AGPAT4: variants seen among roughly 807,000 people sequenced by gnomAD.
AGPAT4 encodes the protein 1-acyl-sn-glycerol-3-phosphate acyltransferase delta.
In AGPAT4, 15 loss-of-function variants were observed where a neutral mutation model predicts 48.0. The ratio of observed to expected loss-of-function variants is 0.31; its 90% CI spans 0.21 to 0.48. The LOEUF is 0.48. Ranked by LOEUF, AGPAT4 falls within the 20% of genes least tolerant of loss-of-function variation. The probability of loss-of-function intolerance (pLI) is 0.99; values close to 1 mark genes in which losing one functional copy is unlikely to be tolerated. For synonymous variants in AGPAT4, 178 were observed against 198.7 expected (o/e 0.90, Z 0.88); for missense variants, 314 against 482.5 (o/e 0.65, Z 3.27).
In AGPAT4 at chr6:161,232,832, G is replaced by C. The variant is rs907722344; in HGVS notation, c.-89-530C>G. On this transcript the variant is annotated intron_variant, in intron 1 of 8. Coordinates refer to ENST00000320285, the MANE Select transcript of AGPAT4 (RefSeq NM_020133.3). The surrounding 1 kb of genome is among the most constrained non-coding windows in gnomAD (Gnocchi z 6.8). ...TAAAGTCAAGCCTGCCCTGGACAAG[G>C]ACGAGGACATACCCAGAGTGGGTGC... 6.6e-6 allele frequency among the ~76,000 whole-genome samples: 1 copy of C among 152,170 alleles called. No individual in the cohort carries two copies. The highest frequency in any genetic ancestry group is 1.5e-5 in the Non-Finnish European group (1 of 68,040).
Position 161,139,366 on chromosome 6 carries a change from C to T in AGPAT4, c.1042+56G>A. On this transcript the variant is annotated intron_variant, in intron 8 of 8. Coordinates refer to ENST00000320285, the MANE Select transcript of AGPAT4 (RefSeq NM_020133.3). This position sits in a 1 kb window ranked among gnomAD's most constrained non-coding sequence, Gnocchi z 9.1. Reference sequence around the variant, plus strand: ...GATGGCCTTCGTCCCAGCCCTGATGCCACCTCTCCCAGGGTGGTGCTGTCA... The same window carrying T: ...GATGGCCTTCGTCCCAGCCCTGATGTCACCTCTCCCAGGGTGGTGCTGTCA... The T allele has an allele frequency of 6.3e-7, 1 of 1,586,864 alleles. No individual in the cohort carries two copies.
At chr6:161,269,820 G>A (rs1194491498) in intron 1 of AGPAT4, among the ~76,000 whole-genome samples, 2 of 152,212 alleles carry the variant, frequency 1.3e-5, no homozygotes, top group Admixed American at 1.3e-4. Context: ...AGGGATTGGG[G>A]GTGGATAGAG....
intron 1 of AGPAT4, among the ~76,000 whole-genome samples, chr6:161,248,888 G>C (rs1347096729): frequency 6.6e-6 from 1 of 152,116 alleles, no homozygotes; most frequent in Non-Finnish European, 1.5e-5. Context: ...AACAAAGCTG[G>C]AGGCATCACA....
rs929088105 is a variant in AGPAT4 at position 161,189,661 on chromosome 6, C to T, written c.179-23244G>A. 6.6e-6 allele frequency among the ~76,000 whole-genome samples: 1 copy of T among 152,100 alleles called. No individual in the cohort carries two copies. Among genetic ancestry groups the T allele is most frequent in the African/African-American group, 2.4e-5 (1 of 41,398 alleles). On this transcript the variant is annotated intron_variant, in intron 2 of 8. Transcript: ENST00000320285. This position sits in a 1 kb window ranked among gnomAD's most constrained non-coding sequence, Gnocchi z 5.3. ...GGCAGATCCAGGCCAGCTGCACATC[C>T]GTGGGCTCCTCCATCAGTCTCTGGC...
chr6:161,199,222 G>A (rs1009682608), intron 2 of AGPAT4, among the ~76,000 whole-genome samples: 4 of 152,134 alleles, frequency 2.6e-5, no homozygotes, highest in Non-Finnish European at 4.4e-5. Context: ...GACTGCGAAT[G>A]TCGTCAGCAG....
At position 161,219,916 on chromosome 6, in the gene AGPAT4, C is replaced by CAGGCAGGCGGCAGGCA. The variant is rs770490075; in HGVS notation, c.178+12119_178+12120insTGCCTGCCGCCTGCCT. Among the ~76,000 whole-genome samples, 836 of 105,872 alleles carry CAGGCAGGCGGCAGGCA rather than the reference C, an allele frequency of 7.9e-3. 10 individuals carry two copies. The highest frequency in any genetic ancestry group is 0.043 in the Middle Eastern group (9 of 210). The allele number at this position is 105,872 out of a possible 152,430, so 69.5% of individuals were successfully genotyped here. Reference sequence around the variant, plus strand: ...GCAGGCAGGCAGGCAGGCAGGCAGGCGGCAGGCAGGCAGGCAGGCAGGCAG... The same window carrying CAGGCAGGCGGCAGGCA: ...GCAGGCAGGCAGGCAGGCAGGCAGGCAGGCAGGCGGCAGGCAGGCAGGCAGGCAGGCAGGCAGGCAG... On this transcript the variant is annotated intron_variant, in intron 2 of 8. Coordinates refer to ENST00000320285, the MANE Select transcript of AGPAT4 (RefSeq NM_020133.3). This position sits in a 1 kb window ranked among gnomAD's most constrained non-coding sequence, Gnocchi z 4.9.
rs1359753661 is a variant in AGPAT4, at chr6:161,169,852, T to C, written c.179-3435A>G. 6.6e-6 allele frequency among the ~76,000 whole-genome samples: 1 copy of C among 152,182 alleles called. No homozygotes were observed. The highest frequency in any genetic ancestry group is 1.5e-5 in the Non-Finnish European group (1 of 68,034). ...TTAGAGGGCACCACAAGAGACACTC[T>C]TGGGAGGTTTGCAAGGTGGAAAGGA... On this transcript the variant is annotated intron_variant, in intron 2 of 8. Coordinates refer to ENST00000320285, the MANE Select transcript of AGPAT4 (RefSeq NM_020133.3). The surrounding 1 kb of genome is among the most constrained non-coding windows in gnomAD (Gnocchi z 5.0).
At position 161,197,257 on chromosome 6, in the gene AGPAT4, G is replaced by A. The variant is rs145574389; in HGVS notation, c.179-30840C>T. Among the ~76,000 whole-genome samples, 1,258 of 152,302 alleles carry A rather than the reference G, an allele frequency of 8.3e-3. 7 individuals are homozygous for A. The highest frequency in any genetic ancestry group is 0.014 in the Non-Finnish European group (966 of 68,028). The stretch of plus-strand genomic sequence containing the variant: ...AGTGAGCGCTTTCAGAGAGGGGCCA[G>A]GGCACGTAAGCCCTGACCTTGCACT... On this transcript the variant is annotated intron_variant, in intron 2 of 8. Transcript: ENST00000320285. This position sits in a 1 kb window ranked among gnomAD's most constrained non-coding sequence, Gnocchi z 5.7.
chr6:161,225,552 A>G lies in AGPAT4; in HGVS notation c.178+6484T>C, dbSNP rs1331181519. On this transcript the variant is annotated intron_variant, in intron 2 of 8. Transcript: ENST00000320285. This position sits in a 1 kb window ranked among gnomAD's most constrained non-coding sequence, Gnocchi z 5.0. The stretch of plus-strand genomic sequence containing the variant: ...CTTCCTGAGGTCTCCCAGGAGATAC[A>G]CCCCTTAGAACTAGAAAAGAAAAGA... 6.6e-6 allele frequency among the ~76,000 whole-genome samples: 1 copy of G among 152,152 alleles called. No homozygotes were observed. The highest frequency in any genetic ancestry group is 1.5e-5 in the Non-Finnish European group (1 of 68,012).
Position 161,141,033 on chromosome 6 carries a change from T to C in AGPAT4, c.844-1413A>G, listed in dbSNP as rs141284367. 1.3e-5 allele frequency among the ~76,000 whole-genome samples: 2 copies of C among 152,304 alleles called. No individual in the cohort carries two copies. The highest frequency in any genetic ancestry group is 4.8e-5 in the African/African-American group (2 of 41,570). ...AATATTTTCCTTTAACAACTTGAGA[T>C]AGAAAAGTCTAAAGTATCTCATACT... On this transcript the variant is annotated intron_variant, in intron 7 of 8. Transcript: ENST00000320285. The surrounding 1 kb of genome is among the most constrained non-coding windows in gnomAD (Gnocchi z 6.7).
In AGPAT4 at chr6:161,245,454, T is replaced by C. The variant is rs932412196; in HGVS notation, c.-89-13152A>G. On this transcript the variant is annotated intron_variant, in intron 1 of 8. Coordinates refer to ENST00000320285, the MANE Select transcript of AGPAT4 (RefSeq NM_020133.3). The surrounding 1 kb of genome is among the most constrained non-coding windows in gnomAD (Gnocchi z 5.2). ...CTTTAACCACAGTGCTTCTGATTCATGGAAACTAACGTGGCATTAAGCACC... is the reference window on the plus strand; with the variant it reads ...CTTTAACCACAGTGCTTCTGATTCACGGAAACTAACGTGGCATTAAGCACC... 6.6e-6 allele frequency among the ~76,000 whole-genome samples: 1 copy of C among 152,186 alleles called. No individual in the cohort carries two copies. The highest frequency in any genetic ancestry group is 2.4e-5 in the African/African-American group (1 of 41,440).
In AGPAT4 at chr6:161,182,375, T is replaced by A. The variant is rs1780625117; in HGVS notation, c.179-15958A>T. 4.8e-5 allele frequency among the ~76,000 whole-genome samples: 6 copies of A among 124,270 alleles called. No homozygotes were observed. The Admixed American group carries it at 4.9e-4, about 10-fold the overall frequency. 81.5% of individuals were successfully genotyped at this position (124,270 alleles called of 152,430 possible). ...CACCCCAGCCCTGCATCCCAGCCTC[T>A]CACCCTATGCCCTCACCCCAGCCCT... On this transcript the variant is annotated intron_variant, in intron 2 of 8. Transcript: ENST00000320285.
rs961838217 is a variant in AGPAT4 at position 161,142,992 on chromosome 6, G to C, written c.844-3372C>G. 6.6e-6 allele frequency among the ~76,000 whole-genome samples: 1 copy of C among 152,200 alleles called. No homozygotes were observed. The highest frequency in any genetic ancestry group is 1.5e-5 in the Non-Finnish European group (1 of 68,028). On this transcript the variant is annotated intron_variant, in intron 7 of 8. Transcript: ENST00000320285. This position sits in a 1 kb window ranked among gnomAD's most constrained non-coding sequence, Gnocchi z 6.4. The stretch of plus-strand genomic sequence containing the variant: ...CACAGTGTTTCCCACGGGCCACCAT[G>C]CCTGCACCCTGAACTCTGCACCCCA...
intron 2 of AGPAT4, among the ~76,000 whole-genome samples, chr6:161,179,008 G>GC (rs1780508015): frequency 6.6e-6 from 1 of 152,204 alleles, no homozygotes; most frequent in South Asian, 2.1e-4. Flanking sequence ...GGTGCAGAAC[G>GC]CAGTAGGTGA....
Position 161,208,608 on chromosome 6 carries a change from A to C in AGPAT4, c.178+23428T>G, listed in dbSNP as rs1377321973. 6.6e-6 allele frequency among the ~76,000 whole-genome samples: 1 copy of C among 152,192 alleles called. No homozygotes were observed. ...TAGCAAAAAAATACTTGCAATGAAC[A>C]ACTTGGTTAAAAAAAGGTAACTATC... On this transcript the variant is annotated intron_variant, in intron 2 of 8. Coordinates refer to ENST00000320285, the MANE Select transcript of AGPAT4 (RefSeq NM_020133.3). This position sits in a 1 kb window ranked among gnomAD's most constrained non-coding sequence, Gnocchi z 4.6.
chr6:161,235,290 T>C lies in AGPAT4; in HGVS notation c.-89-2988A>G. 6.6e-6 allele frequency among the ~76,000 whole-genome samples: 1 copy of C among 152,320 alleles called. No homozygotes were observed. Among genetic ancestry groups the C allele is most frequent in the Non-Finnish European group, 1.5e-5 (1 of 68,028 alleles). ...TATTGCTTTTTAATTTCGTGAAACT[T>C]AGGCGGATTCTCAAATTTATATGCA... On this transcript the variant is annotated intron_variant, in intron 1 of 8. Transcript: ENST00000320285. The surrounding 1 kb of genome is among the most constrained non-coding windows in gnomAD (Gnocchi z 6.2).
At position 161,242,845 on chromosome 6, in the gene AGPAT4, C is replaced by G. The variant is rs12207417; in HGVS notation, c.-89-10543G>C. ...CAGCACTTTGGGAGGGGGTGGGTGG[C>G]TCACCTGAGGTCAGGAGATCGAGGC... On this transcript the variant is annotated intron_variant, in intron 1 of 8. Coordinates refer to ENST00000320285, the MANE Select transcript of AGPAT4 (RefSeq NM_020133.3). The surrounding 1 kb of genome is among the most constrained non-coding windows in gnomAD (Gnocchi z 5.0). 2.0e-5 allele frequency among the ~76,000 whole-genome samples: 3 copies of G among 151,888 alleles called. No homozygotes were observed. Among genetic ancestry groups the G allele is most frequent in the African/African-American group, 7.3e-5 (3 of 41,310 alleles).
In AGPAT4 at chr6:161,243,288, C is replaced by G. The variant is rs894285922; in HGVS notation, c.-89-10986G>C. ...CCAAAGTAGGGAAATGGCCCAAGAC[C>G]CGGCCCTGGGCCGGCAGAAGCAGGC... On this transcript the variant is annotated intron_variant, in intron 1 of 8. Coordinates refer to ENST00000320285, the MANE Select transcript of AGPAT4 (RefSeq NM_020133.3). This position sits in a 1 kb window ranked among gnomAD's most constrained non-coding sequence, Gnocchi z 4.8. 6.6e-6 allele frequency among the ~76,000 whole-genome samples: 1 copy of G among 152,184 alleles called. No homozygotes were observed. Among genetic ancestry groups the G allele is most frequent in the East Asian group, 1.9e-4 (1 of 5,162 alleles).
chr6:161,237,992 G>A (rs1219242561), intron 1 of AGPAT4, among the ~76,000 whole-genome samples: 1 of 147,046 alleles, frequency 6.8e-6, no homozygotes, highest in Non-Finnish European at 1.5e-5. Context: ...CACCAGACAA[G>A]AGAAATTCTG....
Sources: allele counts gnomAD v4.1 joint callset (sites outside exome capture counted in the v4.1 genomes callset), GRCh38; gene constraint gnomAD v4.1.1; non-coding constraint Gnocchi (gnomAD v3.1); transcripts MANE v1.5; gene names NCBI Gene and HGNC (gene_info 2026-07-23, HGNC 2026-07-21).